The following TTC7B variants were observed in gnomAD, a reference collection of about 807,000 sequenced individuals.
TTC7B encodes the protein tetratricopeptide repeat domain 7B.
In TTC7B, 28 loss-of-function variants were observed where a neutral mutation model predicts 106.8. The observed-to-expected ratio is 0.26, with a 90% confidence interval of 0.19 to 0.36. The LOEUF (loss-of-function observed/expected upper bound fraction) is 0.36. Ranked by LOEUF, TTC7B falls within the 10% of genes least tolerant of loss-of-function variation. TTC7B has a pLI of 1.00. For synonymous variants in TTC7B, 405 were observed against 430.6 expected, an observed-to-expected ratio of 0.94 and a Z score of 0.74; for missense variants, 862 against 1,076.4, an observed-to-expected ratio of 0.80 and a Z score of 2.79.
At chr14:90,694,783 AT>A (rs1436406291) in intron 6 of TTC7B, among the ~76,000 whole-genome samples, 1 of 140,508 alleles carries the variant, frequency 7.1e-6, no homozygotes, top group African/African-American at 2.5e-5. Context: ...AAATATGTAT[AT>A]TTTATATACA....
At chr14:90,809,546 G>A (rs141674418) in intron 1 of TTC7B, among the ~76,000 whole-genome samples, 8 of 152,360 alleles carry the variant, frequency 5.3e-5, no homozygotes, top group African/African-American at 1.9e-4. Context: ...TGACTCACAA[G>A]ACCCCACCAA....
rs1007568007 is a variant in TTC7B at position 90,608,007 on chromosome 14, C to T, written c.1966+2735G>A. On this transcript the variant is annotated intron_variant, in intron 17 of 19. Coordinates refer to ENST00000328459, the MANE Select transcript of TTC7B (RefSeq NM_001010854.2). This position sits in a 1 kb window ranked among gnomAD's most constrained non-coding sequence, Gnocchi z 5.1. ...CAGCACCTTGTGAATTAGTTTTTAG[C>T]TTTTGAATTATGTAAATGTATTTCC... Among the ~76,000 whole-genome samples, 5 of 152,342 alleles carry T rather than the reference C, an allele frequency of 3.3e-5. No individual in the cohort carries two copies. The highest frequency in any genetic ancestry group is 2.6e-4 in the Admixed American group (4 of 15,306).
chr14:90,753,600 A>C (rs753750282), intron 3 of TTC7B, among the ~76,000 whole-genome samples: 1 of 152,136 alleles, frequency 6.6e-6, no homozygotes, highest in Non-Finnish European at 1.5e-5. Context: ...AATGGAAACC[A>C]CCAAGTGCTG....
In TTC7B at chr14:90,683,814, G is replaced by C. The variant is rs140701823; in HGVS notation, c.951-3279C>G. On this transcript the variant is annotated intron_variant, in intron 7 of 19. Transcript: ENST00000328459. ...GTGGGCTGTGTACACCAGAGGCAAG[G>C]AGATGACAGGCAGCCAACGGTGTAG... Among the ~76,000 whole-genome samples the C allele has an allele frequency of 7.0e-4, 107 of 152,298 alleles. 1 individual carries two copies. The highest frequency in any genetic ancestry group is 2.6e-3 in the African/African-American group (106 of 41,556).
chr14:90,686,818 C>T (rs1007380489), intron 7 of TTC7B, among the ~76,000 whole-genome samples: 9 of 152,182 alleles, frequency 5.9e-5, no homozygotes, highest in African/African-American at 2.2e-4. Flanking sequence ...AAAAGAAATA[C>T]AAGCTTTATA....
chr14:90,803,948 G>A (rs1424923897), intron 1 of TTC7B, among the ~76,000 whole-genome samples: 1 of 152,018 alleles, frequency 6.6e-6, no homozygotes, highest in Non-Finnish European at 1.5e-5. Context: ...ACCAGGCAGG[G>A]GGATGTTATC....
rs191346712 is a variant in TTC7B, at chr14:90,608,478, T to C, written c.1966+2264A>G. On this transcript the variant is annotated intron_variant, in intron 17 of 19. Coordinates refer to ENST00000328459, the MANE Select transcript of TTC7B (RefSeq NM_001010854.2). The surrounding 1 kb of genome is among the most constrained non-coding windows in gnomAD (Gnocchi z 5.1). Reference sequence around the variant, plus strand: ...CCGTCTGTGGCAGTGCCTGGGAGGCTGTGGCTTCCCTGTTGTTGAGGAAGG... The same window carrying C: ...CCGTCTGTGGCAGTGCCTGGGAGGCCGTGGCTTCCCTGTTGTTGAGGAAGG... Among the ~76,000 whole-genome samples the C allele has an allele frequency of 1.3e-5, 2 of 152,264 alleles. No homozygotes were observed. Among genetic ancestry groups the C allele is most frequent in the East Asian group, 3.9e-4 (2 of 5,180 alleles).
intron 7 of TTC7B, among the ~76,000 whole-genome samples, chr14:90,683,698 G>A (rs552464244): frequency 2.0e-5 from 3 of 152,204 alleles, no homozygotes; most frequent in African/African-American, 4.8e-5. Flanking sequence ...ACACTCTGCT[G>A]AGTGGGTCAG....
intron 3 of TTC7B, among the ~76,000 whole-genome samples, chr14:90,780,091 C>G (rs116587688): frequency 6.6e-5 from 10 of 152,108 alleles, no homozygotes; most frequent in African/African-American, 2.4e-4. Flanking sequence ...TATCAAGAAA[C>G]TTTGCTGAAG....
chr14:90,771,334 G>A (rs1195552739), intron 3 of TTC7B, among the ~76,000 whole-genome samples: 1 of 152,256 alleles, frequency 6.6e-6, no homozygotes, highest in African/African-American at 2.4e-5. Flanking sequence ...CGTGGCTCAC[G>A]TCTGTAATCC....
intron 1 of TTC7B, among the ~76,000 whole-genome samples, chr14:90,815,598 C>T (rs2031125816): frequency 6.6e-6 from 1 of 152,088 alleles, no homozygotes; most frequent in South Asian, 2.1e-4. Context: ...TCTCCGAACG[C>T]CAGGACGCAC....
At chr14:90,645,269 TTGA>T (rs1414163089) in intron 14 of TTC7B, 1 of 152,252 alleles carries the variant, frequency 6.6e-6, no homozygotes, top group Non-Finnish European at 1.5e-5. Context: ...ACTTCTTTTC[TTGA>T]TGGATTTAGG....
chr14:90,728,337 C>CAA (rs35504744), intron 5 of TTC7B, among the ~76,000 whole-genome samples: 709 of 40,066 alleles, frequency 0.018, 95 homozygotes, highest in Middle Eastern at 0.059. Context: ...GTCCCCCCCG[C>CAA]AAAAAAAAAA....
chr14:90,668,008 A>G lies in TTC7B; in HGVS notation c.1152+8515T>C, dbSNP rs149458009. ...CATAGTGGCCTGTGGATTCATAGTC[A>G]GTCTTTAGAAGAATACACAAGTAAC... On this transcript the variant is annotated intron_variant, in intron 9 of 19. Coordinates refer to ENST00000328459, the MANE Select transcript of TTC7B (RefSeq NM_001010854.2). Among the ~76,000 whole-genome samples, 6 of 152,274 alleles carry G rather than the reference A, an allele frequency of 3.9e-5. 1 individual carries two copies. Among genetic ancestry groups the G allele is most frequent in the African/African-American group, 9.6e-5 (4 of 41,556 alleles).
intron 3 of TTC7B, among the ~76,000 whole-genome samples, chr14:90,775,601 G>C (rs1449779898): frequency 1.3e-5 from 2 of 152,126 alleles, no homozygotes; most frequent in Non-Finnish European, 2.9e-5. Flanking sequence ...CCTGGGCACA[G>C]GAGGAGCCCA....
intron 19 of TTC7B, among the ~76,000 whole-genome samples, chr14:90,550,905 T>C (rs1243487722): frequency 6.6e-6 from 1 of 152,086 alleles, no homozygotes; most frequent in Non-Finnish European, 1.5e-5. Flanking sequence ...GTCACCCTTG[T>C]CTATGCTCCC....
At chr14:90,756,398 T>G (rs1449626184) in intron 3 of TTC7B, among the ~76,000 whole-genome samples, 3 of 142,872 alleles carry the variant, frequency 2.1e-5, no homozygotes, top group Non-Finnish European at 3.1e-5. Context: ...TTTTTTTTTG[T>G]TTTTTTGTTT....
At position 90,758,267 on chromosome 14, in the gene TTC7B, C is replaced by T. The variant is rs1430585577; in HGVS notation, c.446-13345G>A. On this transcript the variant is annotated intron_variant, in intron 3 of 19. Transcript: ENST00000328459. The stretch of plus-strand genomic sequence containing the variant: ...CTGTCCCGGTGGCCGCGGCAGGAAC[C>T]AGTCCTGCAGTCCTGCGGCGGCACC... 2.0e-5 allele frequency among the ~76,000 whole-genome samples: 3 copies of T among 149,452 alleles called. No homozygotes were observed. The East Asian group carries it at 5.9e-4, about 29-fold the overall frequency.
At chr14:90,734,297 G>A (rs988676604) in intron 4 of TTC7B, among the ~76,000 whole-genome samples, 5 of 151,968 alleles carry the variant, frequency 3.3e-5, no homozygotes, top group African/African-American at 1.2e-4. Context: ...GCACGTGCCT[G>A]TAGACCCAGC....
Sources: gnomAD v4.1 joint callset for allele counts (sites outside exome capture counted in the v4.1 genomes callset) on GRCh38, gnomAD v4.1.1 for gene constraint, Gnocchi (gnomAD v3.1) non-coding constraint, MANE v1.5 for transcripts, NCBI Gene and HGNC (gene_info 2026-07-23, HGNC 2026-07-21) for gene names.